Variants in ZYG11A observed in about 807,000 individuals in gnomAD.
ZYG11A encodes the protein zyg-11 family member A, cell cycle regulator.
Under a neutral mutation model 77.2 loss-of-function variants are expected in ZYG11A, and 62 were observed. That is an observed-to-expected ratio of 0.80 (90% CI 0.65 to 0.99). The LOEUF is 0.99. ZYG11A is among the 50% of genes least tolerant of loss of function. The pLI is 0.00. For missense variants in ZYG11A, 828 were observed against 896.8 expected (o/e 0.92, Z 0.98); for synonymous variants, 315 against 324.6 (o/e 0.97, Z 0.32).
chr1:52,858,243 A>G (rs895452823), intron 3 of ZYG11A, among the ~76,000 whole-genome samples: 2 of 150,072 alleles, frequency 1.3e-5, no homozygotes, highest in South Asian at 4.3e-4. Context: ...CTAAAAATAC[A>G]AAAATTAGCC....
intron 8 of ZYG11A, among the ~76,000 whole-genome samples, chr1:52,876,197 G>T (rs1646258467): frequency 6.6e-6 from 1 of 152,152 alleles, no homozygotes; most frequent in Non-Finnish European, 1.5e-5. Context: ...AAGTAGTATT[G>T]ACAAATACGG....
chr1:52,842,903 C>T lies in ZYG11A; in HGVS notation c.20C>T (p.Pro7Leu), dbSNP rs200890867. 198 of 1,531,458 alleles carry T rather than the reference C, an allele frequency of 1.3e-4. No homozygotes were observed. The highest frequency in any genetic ancestry group is 3.3e-4 in the African/African-American group (23 of 70,490). The allele number at this position is 1,531,458 out of a possible 1,614,324, so 94.9% of individuals were successfully genotyped here. A position where few individuals can be genotyped will look rare whatever the true frequency, so the allele number is the denominator to read the frequency against. The change falls in exon 1 of 14, where the codon CCG (proline) becomes CTG (leucine). Residue 7 changes from proline to leucine, a missense_variant. Physicochemically the swap from Pro to Leu is moderately conservative, Grantham distance 98 (BLOSUM62 -3). Coordinates refer to ENST00000371528, the MANE Select transcript of ZYG11A (RefSeq NM_001004339.3). The stretch of plus-strand genomic sequence containing the variant: ...GTTGCCATGGTTCATTTCTTGCACC[C>T]GGGCCACACGCCCCGGAACATCGTC... MVHFLH[P>L]GHTPRNIVPP...
intron 1 of ZYG11A, among the ~76,000 whole-genome samples, chr1:52,847,869 TTTA>T (rs1369772088): frequency 0.035 from 3,056 of 86,120 alleles, 129 homozygotes; most frequent in African/African-American, 0.13. Flanking sequence ...TATTTATTTA[TTTA>T]TTTATTTATT....
At chr1:52,890,242 T>C (rs1646521174) in intron 13 of ZYG11A, among the ~76,000 whole-genome samples, 1 of 148,694 alleles carries the variant, frequency 6.7e-6, no homozygotes, top group Non-Finnish European at 1.5e-5. Context: ...AAAAATATTT[T>C]CTTTTAGTTT....
chr1:52,885,992 G>T, intron 12 of ZYG11A, 98 bp downstream of exon 12: 1 of 899,980 alleles, frequency 1.1e-6, no homozygotes, highest in Non-Finnish European at 1.6e-6. Context: ...GAGTGCAGTG[G>T]CACAATCTTG....
Position 52,864,056 on chromosome 1 carries a change from C to T in ZYG11A, c.1225C>T (p.Leu409=), listed in dbSNP as rs761798055. 1.3e-6 allele frequency: 2 copies of T among 1,551,858 alleles called. No individual in the cohort carries two copies. The highest frequency in any genetic ancestry group is 2.4e-5 in the South Asian group (2 of 84,066). ...QFTASACALN[L]TRQGLAKGMP... is the part of the protein sequence containing the mutation. ...CACAGCCAGTGCTTGCGCTCTCAACCTAACACGCCAGGGCCTGGCCAAGGG... is the reference window on the plus strand; with the variant it reads ...CACAGCCAGTGCTTGCGCTCTCAACTTAACACGCCAGGGCCTGGCCAAGGG... The change falls in exon 5 of 14, where the codon CTA becomes TTA. Residue 409 remains leucine (L), a synonymous_variant. Transcript: ENST00000371528.
At chr1:52,846,340 A>C (rs1217076497) in intron 1 of ZYG11A, among the ~76,000 whole-genome samples, 3,756 of 31,604 alleles carry the variant, frequency 0.12, 358 homozygotes, top group African/African-American at 0.32. Context: ...ATATATATAT[A>C]TATATATATA....
chr1:52,890,614 C>CT (rs200351805), intron 13 of ZYG11A, among the ~76,000 whole-genome samples: 12 of 144,652 alleles, frequency 8.3e-5, no homozygotes, highest in South Asian at 2.2e-4. Flanking sequence ...TTTTCTTTTA[C>CT]TTTTTTTTTT....
At chr1:52,883,619 G>T (rs1443557657) in intron 11 of ZYG11A, among the ~76,000 whole-genome samples, 1 of 149,476 alleles carries the variant, frequency 6.7e-6, no homozygotes, top group Non-Finnish European at 1.5e-5. Flanking sequence ...TAGTGACAGG[G>T]TTTCACCATG....
chr1:52,854,719 C>G (rs753690176), intron 2 of ZYG11A, 89 bp downstream of exon 2: 89 of 1,247,464 alleles, frequency 7.1e-5, no homozygotes, highest in Admixed American at 2.1e-4. Context: ...GTGATTCTCA[C>G]AAAGTATTTC....
chr1:52,875,807 A>AAGGGAAGGCAG (rs1646251503), intron 8 of ZYG11A, among the ~76,000 whole-genome samples: 1 of 150,926 alleles, frequency 6.6e-6, no homozygotes, highest in Admixed American at 6.6e-5. Context: ...ATGCAAATGC[A>AAGGGAAGGCAG]AGTAGGTTGG....
chr1:52,870,551 T>C (rs555674811), intron 8 of ZYG11A, among the ~76,000 whole-genome samples: 3 of 152,298 alleles, frequency 2.0e-5, no homozygotes, highest in Admixed American at 6.5e-5. Flanking sequence ...ATCACGCCAC[T>C]GCACCCCAGC....
intron 6 of ZYG11A, 81 bp from the exon 7 acceptor site, chr1:52,867,458 T>C (rs1445558184): frequency 5.4e-6 from 5 of 920,604 alleles, no homozygotes; most frequent in Non-Finnish European, 8.5e-6. Flanking sequence ...TAGGATTACT[T>C]GGGGAATGCC....
intron 8 of ZYG11A, among the ~76,000 whole-genome samples, chr1:52,873,638 A>G (rs1266157080): frequency 6.6e-6 from 1 of 152,208 alleles, no homozygotes; most frequent in Non-Finnish European, 1.5e-5. Context: ...CTTATTATAT[A>G]AACCTGGTTG....
intron 10 of ZYG11A, among the ~76,000 whole-genome samples, chr1:52,880,325 G>A (rs748828967): frequency 6.6e-6 from 1 of 152,014 alleles, no homozygotes; most frequent in Non-Finnish European, 1.5e-5. Context: ...TCTAGAGTGT[G>A]CTTTCCTGAA....
intron 8 of ZYG11A, among the ~76,000 whole-genome samples, chr1:52,877,046 C>T (rs955238218): frequency 3.3e-5 from 5 of 152,108 alleles, no homozygotes; most frequent in African/African-American, 1.2e-4. Context: ...TGTTCTAGCC[C>T]CACTGACCTG....
At position 52,860,887 on chromosome 1, in the gene ZYG11A, C is replaced by G; in HGVS notation, c.1149+16C>G. 5.2e-6 allele frequency: 8 copies of G among 1,547,880 alleles called. No individual in the cohort carries two copies. Among genetic ancestry groups the G allele is most frequent in the Non-Finnish European group, 7.0e-6 (8 of 1,145,058 alleles). ...TATTTTAAAGGTAATTGAAGGAAGA[C>G]AATTTTTACTATTACTTCTTAACTT... On this transcript the variant is annotated intron_variant, in intron 4 of 13. Coordinates refer to ENST00000371528, the MANE Select transcript of ZYG11A (RefSeq NM_001004339.3).
At chr1:52,861,019 T>A in intron 4 of ZYG11A, 148 bp downstream of exon 4, 1 of 765,190 alleles carries the variant, frequency 1.3e-6, no homozygotes, top group Non-Finnish European at 2.0e-6. Flanking sequence ...TAAGCTTAGC[T>A]GCCAAAGTGT....
chr1:52,848,452 T>C (rs1240229164), intron 1 of ZYG11A, among the ~76,000 whole-genome samples: 1 of 152,160 alleles, frequency 6.6e-6, no homozygotes, highest in African/African-American at 2.4e-5. Context: ...CTGTTTTGCT[T>C]CCGAAATCAG....
Sources: allele counts gnomAD v4.1 joint callset (sites outside exome capture counted in the v4.1 genomes callset), GRCh38; gene constraint gnomAD v4.1.1; transcripts MANE v1.5; gene names NCBI Gene and HGNC (gene_info 2026-07-23, HGNC 2026-07-21).